The following QKI variants were observed in gnomAD, a reference collection of about 807,000 sequenced individuals.
QKI encodes QKI, KH domain containing RNA binding, also known as KH domain-containing RNA-binding protein QKI.
QKI carries 10 observed loss-of-function variants against 39.0 expected under a neutral mutation model. The observed-to-expected ratio is 0.26, with a 90% confidence interval of 0.16 to 0.43. The LOEUF is 0.43. Ranked by LOEUF, QKI falls within the 20% of genes least tolerant of loss-of-function variation. The pLI is 1.00. For synonymous variants in QKI, 204 were observed against 155.4 expected (o/e 1.31, Z -2.33); for missense variants, 218 against 428.0 (o/e 0.51, Z 4.33).
chr6:163,497,071 G>A (rs1441339358), intron 3 of QKI, among the ~76,000 whole-genome samples: 3 of 152,172 alleles, frequency 2.0e-5, no homozygotes, highest in Non-Finnish European at 4.4e-5. Context: ...TGTGTTGAAG[G>A]AAGGAGTAGT....
chr6:163,434,992 A>G (rs1789137962), intron 1 of QKI, among the ~76,000 whole-genome samples: 1 of 152,210 alleles, frequency 6.6e-6, no homozygotes, highest in Non-Finnish European at 1.5e-5. Context: ...ATAATGGAAT[A>G]AAAGATGGGT....
chr6:163,477,031 T>A (rs2128224922), intron 2 of QKI, among the ~76,000 whole-genome samples: 1 of 148,986 alleles, frequency 6.7e-6, no homozygotes, highest in East Asian at 2.0e-4. Flanking sequence ...TTTTTTTTTT[T>A]TTGAGACAGA....
chr6:163,489,962 C>T (rs1777950232), intron 3 of QKI, among the ~76,000 whole-genome samples: 1 of 152,118 alleles, frequency 6.6e-6, no homozygotes, highest in Admixed American at 6.6e-5. Context: ...ATATATCTCC[C>T]CCTCTTCCTT....
chr6:163,561,253 C>T lies in QKI; in HGVS notation c.547-729C>T, dbSNP rs181518094. 9.2e-5 allele frequency among the ~76,000 whole-genome samples: 14 copies of T among 152,066 alleles called. 1 individual carries two copies. Among genetic ancestry groups the T allele is most frequent in the South Asian group, 2.1e-4 (1 of 4,800 alleles). ...AAAATTATTTGTGTGCACATGTGCA[C>T]GCGCGTGTGTGTATGTGTGTGTTTA... On this transcript the variant is annotated intron_variant, in intron 4 of 7. Coordinates refer to ENST00000361752, the MANE Select transcript of QKI (RefSeq NM_006775.3).
chr6:163,455,453 G>C (rs752719245), intron 2 of QKI, 32 bp downstream of exon 2: 4 of 1,583,866 alleles, frequency 2.5e-6, no homozygotes, highest in Non-Finnish European at 3.5e-6. Flanking sequence ...ATTCAATTTT[G>C]TTCTGCTTCA....
At chr6:163,532,048 A>G (rs1024141333) in intron 3 of QKI, among the ~76,000 whole-genome samples, 11 of 152,232 alleles carry the variant, frequency 7.2e-5, no homozygotes, top group African/African-American at 2.7e-4. Flanking sequence ...AGTGTTTTAC[A>G]CCTTAAAAAT....
intron 2 of QKI, among the ~76,000 whole-genome samples, chr6:163,464,141 T>C (rs1287281492): frequency 6.6e-6 from 1 of 152,208 alleles, no homozygotes; most frequent in Non-Finnish European, 1.5e-5. Context: ...CAGGTCATTC[T>C]CTGAAGTCAG....
chr6:163,445,013 A>T (rs1223617361), intron 1 of QKI, among the ~76,000 whole-genome samples: 1 of 152,060 alleles, frequency 6.6e-6, no homozygotes, highest in Non-Finnish European at 1.5e-5. Flanking sequence ...GGCTCAAGCG[A>T]TCTTTCCACC....
Position 163,574,122 on chromosome 6 carries a change from C to T in QKI, c.*3412C>T, listed in dbSNP as rs1272071682. On this transcript the variant is annotated 3_prime_UTR_variant, in exon 8 of 8. Transcript: ENST00000361752. ...TTCAGCATCTGCATTACTAATTCCA[C>T]ACCTTATTTTTCCTTCTCCAAAATA... 1 of 152,212 alleles carries T rather than the reference C, an allele frequency of 6.6e-6. No individual in the cohort carries two copies. The highest frequency in any genetic ancestry group is 1.5e-5 in the Non-Finnish European group (1 of 68,044). 9.4% of individuals were successfully genotyped at this position (152,212 alleles called of 1,614,324 possible).
At chr6:163,570,053 T>A in intron 7 of QKI, 1 of 986,292 alleles carries the variant, frequency 1.0e-6, no homozygotes, top group Non-Finnish European at 1.2e-6. Context: ...GACTACAGTT[T>A]AGTATCGCTT....
At chr6:163,501,931 T>C (rs1778791446) in intron 3 of QKI, among the ~76,000 whole-genome samples, 2 of 116,492 alleles carry the variant, frequency 1.7e-5, no homozygotes, top group Non-Finnish European at 3.6e-5. Flanking sequence ...TTTTGGTAAA[T>C]CCTTTGAGGA....
chr6:163,478,209 T>C (rs866667472), intron 2 of QKI, among the ~76,000 whole-genome samples: 4 of 152,216 alleles, frequency 2.6e-5, no homozygotes, highest in Non-Finnish European at 5.9e-5. Flanking sequence ...ATTCAGAGTT[T>C]AGGTTTCTTA....
Position 163,461,050 on chromosome 6 carries a change from T to G in QKI, c.285+5629T>G, listed in dbSNP as rs1157701218. ...TAAAGTTTTAATTTAGCAGTGTGAT[T>G]TGATAATATAGGGCATATCTTTATG... On this transcript the variant is annotated intron_variant, in intron 2 of 7. Transcript: ENST00000361752. Among the ~76,000 whole-genome samples, 4 of 152,230 alleles carry G rather than the reference T, an allele frequency of 2.6e-5. No individual in the cohort carries two copies. In the East Asian group the frequency reaches 7.7e-4, roughly 29 times the overall value.
At chr6:163,464,663 TATA>T (rs781368187) in intron 2 of QKI, among the ~76,000 whole-genome samples, 63 of 152,288 alleles carry the variant, frequency 4.1e-4, no homozygotes, top group South Asian at 1.7e-3. Context: ...TGAACAGACC[TATA>T]ATGAGTGAGG....
rs754664769 is a variant in QKI at position 163,563,400 on chromosome 6, A to C, written c.635-20A>C. The C allele has an allele frequency of 6.4e-7, 1 of 1,563,580 alleles. No individual in the cohort carries two copies. The highest frequency in any genetic ancestry group is 1.4e-5 in the African/African-American group (1 of 72,914). ...ACTGCTGTCTCTATACTTCTTTCTA[A>C]ATTTCTTTGCTTACTGTAGCAGCCC... On this transcript the variant is annotated intron_variant, in intron 5 of 7. Transcript: ENST00000361752.
rs1778716269 is a variant in QKI, at chr6:163,500,900, A to G, written c.402+22004A>G. ...GCCACGCCCACACACATAACTGACA[A>G]TTTTTGATACTTATGAAGTACAAAT... On this transcript the variant is annotated intron_variant, in intron 3 of 7. Coordinates refer to ENST00000361752, the MANE Select transcript of QKI (RefSeq NM_006775.3). 1.3e-5 allele frequency among the ~76,000 whole-genome samples: 2 copies of G among 152,124 alleles called. 1 individual carries two copies. Among genetic ancestry groups the G allele is most frequent in the South Asian group, 4.1e-4 (2 of 4,820 alleles).
chr6:163,432,106 G>A (rs971242262), intron 1 of QKI, among the ~76,000 whole-genome samples: 1 of 152,086 alleles, frequency 6.6e-6, no homozygotes, highest in African/African-American at 2.4e-5. Flanking sequence ...GTGTAATGTG[G>A]CTACCTTCTG....
intron 3 of QKI, among the ~76,000 whole-genome samples, chr6:163,531,617 A>G (rs1310505487): frequency 6.6e-6 from 1 of 152,158 alleles, no homozygotes; most frequent in Non-Finnish European, 1.5e-5. Flanking sequence ...CTAGATTCTT[A>G]ATTTTTAAAT....
At chr6:163,505,418 G>A (rs1779032335) in intron 3 of QKI, among the ~76,000 whole-genome samples, 1 of 152,202 alleles carries the variant, frequency 6.6e-6, no homozygotes, top group Non-Finnish European at 1.5e-5. Flanking sequence ...GGCACTCATT[G>A]TCAGCCCATG....
Sources: gnomAD v4.1 joint callset for allele counts (sites outside exome capture counted in the v4.1 genomes callset) on GRCh38, gnomAD v4.1.1 for gene constraint, MANE v1.5 for transcripts, NCBI Gene and HGNC (gene_info 2026-07-23, HGNC 2026-07-21) for gene names.